Variants in ZNF469 observed in about 807,000 individuals in gnomAD.
ZNF469 encodes zinc finger protein 469.
A neutral mutation model predicts 1.0 loss-of-function variants in ZNF469; 1 was observed. That is an observed-to-expected ratio of 1.00 (90% CI 0.35 to 4.73). The LOEUF is 4.73. Among genes scored for constraint, ZNF469 ranks in the 30% most tolerant of loss-of-function variants. The pLI is 0.16. For synonymous variants in ZNF469, 2,703 were observed against 2,363.4 expected, an observed-to-expected ratio of 1.14 and a Z score of -4.17; for missense variants, 6,100 against 5,356.3, an observed-to-expected ratio of 1.14 and a Z score of -4.33.
rs1334784971 is a variant in ZNF469, at chr16:88,430,672, C to T, written c.3202C>T (p.Arg1068Trp). 2 of 1,494,246 alleles carry T rather than the reference C, an allele frequency of 1.3e-6. No homozygotes were observed. The highest frequency in any genetic ancestry group is 4.4e-5 in the Admixed American group (2 of 45,846). 92.6% of individuals were successfully genotyped at this position (1,494,246 alleles called of 1,614,324 possible). A position where few individuals can be genotyped will look rare whatever the true frequency, so the allele number is the denominator to read the frequency against. ...KNRRHRRLGR[R>W]AGRCGSLAAG... Reference sequence around the variant, plus strand: ...CAGGCGCCACCGGCGGCTGGGGCGGCGGGCGGGCAGGTGCGGCTCCCTGGC... The same window carrying T: ...CAGGCGCCACCGGCGGCTGGGGCGGTGGGCGGGCAGGTGCGGCTCCCTGGC... The change falls in exon 3 of 3, where the codon CGG becomes TGG. Residue 1068 changes from arginine (R) to tryptophan (W), a missense_variant. Physicochemically the swap from Arg to Trp is moderately radical, Grantham distance 101 (BLOSUM62 -3). Coordinates refer to ENST00000565624, the MANE Select transcript of ZNF469 (RefSeq NM_001367624.2).
At chr16:88,396,108 C>T (rs1177553996) in intron 1 of ZNF469, among the ~76,000 whole-genome samples, 2 of 152,230 alleles carry the variant, frequency 1.3e-5, no homozygotes, top group African/African-American at 4.8e-5. Flanking sequence ...GACGGTCAAG[C>T]TGCGTTTTTC....
At chr16:88,182,285 A>G in the ZNF469 span, among the ~76,000 whole-genome samples, 1 of 152,192 alleles carries the variant, frequency 6.6e-6, no homozygotes, top group Non-Finnish European at 1.5e-5. Context: ...CAGTATTGTT[A>G]AGATGTAAAT....
At chr16:88,243,862 GGA>G in the ZNF469 span, among the ~76,000 whole-genome samples, 1 of 144,212 alleles carries the variant, frequency 6.9e-6, no homozygotes, top group African/African-American at 2.5e-5. Context: ...ATGGATGGTT[GGA>G]TGCATGGGTG....
chr16:88,154,794 C>T, the ZNF469 span, among the ~76,000 whole-genome samples: 90 of 152,310 alleles, frequency 5.9e-4, 1 homozygote, highest in South Asian at 0.015. Context: ...GGACGGTGAA[C>T]GCAGGCAGGG....
Position 88,387,412 on chromosome 16 carries a change from G to A in ZNF469, c.-192+4158G>A, listed in dbSNP as rs568000990. Among the ~76,000 whole-genome samples the A allele has an allele frequency of 7.2e-5, 11 of 152,284 alleles. No homozygotes were observed. The South Asian group carries it at 2.3e-3, about 32-fold the overall frequency. Reference sequence around the variant, plus strand: ...CACCCCCGGGTGCCGGGGGACTCGGGCCGCGGTCAGCACAGCCTCCAGATG... The same window carrying A: ...CACCCCCGGGTGCCGGGGGACTCGGACCGCGGTCAGCACAGCCTCCAGATG... On this transcript the variant is annotated intron_variant, in intron 1 of 2. Transcript: ENST00000565624.
At chr16:88,117,607 G>GTGGAGGTGCCACGTGCCTTCGTGGACCA in the ZNF469 span, among the ~76,000 whole-genome samples, 1 of 148,816 alleles carries the variant, frequency 6.7e-6, no homozygotes, top group Admixed American at 6.6e-5. Context: ...TTCGGGGACC[G>GTGGAGGTGCCACGTGCCTTCGTGGACCA]TGGAGGTGCC....
the ZNF469 span, among the ~76,000 whole-genome samples, chr16:88,339,186 C>T: frequency 9.6e-6 from 1 of 104,068 alleles, no homozygotes; most frequent in African/African-American, 3.8e-5. Flanking sequence ...GACAGGGTGG[C>T]AGGGGGATGT....
At chr16:88,277,973 C>A in the ZNF469 span, among the ~76,000 whole-genome samples, 4 of 15,682 alleles carry the variant, frequency 2.6e-4, no homozygotes, top group African/African-American at 3.0e-4. Flanking sequence ...GCTGCGCCAC[C>A]CTGACACTCG....
intron 1 of ZNF469, among the ~76,000 whole-genome samples, chr16:88,387,208 C>T (rs992745795): frequency 5.3e-5 from 8 of 152,212 alleles, no homozygotes; most frequent in Non-Finnish European, 7.3e-5. Flanking sequence ...GCAACCCCAT[C>T]CTGCGTGCCT....
At position 88,429,758 on chromosome 16, in the gene ZNF469, G is replaced by A. The variant is rs1482968070; in HGVS notation, c.2288G>A (p.Gly763Asp). 5 of 1,544,460 alleles carry A rather than the reference G, an allele frequency of 3.2e-6. No individual in the cohort carries two copies. Among genetic ancestry groups the A allele is most frequent in the South Asian group, 1.2e-5 (1 of 83,980 alleles). The change falls in exon 3 of 3, where the codon GGC (glycine) becomes GAC (aspartate). Residue 763 changes from glycine (G) to aspartate (D), a missense_variant. Transcript: ENST00000565624. ...CGLLLARAKDGHQRSPGPPGL... is the reference protein window; with the variant it reads ...CGLLLARAKDDHQRSPGPPGL... The stretch of plus-strand genomic sequence containing the variant: ...CTGCTCCTGGCCAGGGCCAAGGATG[G>A]CCACCAGCGGTCTCCAGGCCCCCCT...
chr16:88,220,905 G>A, the ZNF469 span, among the ~76,000 whole-genome samples: 5 of 152,146 alleles, frequency 3.3e-5, no homozygotes, highest in Admixed American at 3.3e-4. Context: ...CTTGCTCTCC[G>A]GGTCTCAAAT....
the ZNF469 span, among the ~76,000 whole-genome samples, chr16:88,374,744 G>A: frequency 8.0e-3 from 1,222 of 152,184 alleles, 20 homozygotes; most frequent in African/African-American, 0.027. Flanking sequence ...GCTCGGCGCC[G>A]TGTGCTGTGG....
At chr16:88,381,097 C>G (rs111067839), upstream of ZNF469, among the ~76,000 whole-genome samples, 6,839 of 142,198 alleles carry the variant, frequency 0.048, 472 homozygotes, top group African/African-American at 0.13. Flanking sequence ...CACTCACACA[C>G]CCGGACATGC....
intron 1 of ZNF469, among the ~76,000 whole-genome samples, chr16:88,410,469 G>A (rs1238154329): frequency 2.0e-5 from 3 of 146,724 alleles, no homozygotes; most frequent in East Asian, 2.0e-4. Context: ...TATGATGCAC[G>A]GTTCACGGTG....
At chr16:88,140,808 C>G in the ZNF469 span, among the ~76,000 whole-genome samples, 13 of 152,132 alleles carry the variant, frequency 8.5e-5, no homozygotes, top group Non-Finnish European at 1.9e-4. Context: ...TGGCGGGCGC[C>G]TATAATCCCT....
At chr16:88,329,895 G>A in the ZNF469 span, among the ~76,000 whole-genome samples, 3 of 152,224 alleles carry the variant, frequency 2.0e-5, no homozygotes, top group Admixed American at 6.5e-5. Context: ...GGTGAGGGAC[G>A]GACAAGCACC....
chr16:88,250,333 T>C, the ZNF469 span, among the ~76,000 whole-genome samples: 1 of 152,252 alleles, frequency 6.6e-6, no homozygotes, highest in Non-Finnish European at 1.5e-5. Context: ...TAGGCTTCTT[T>C]TGTTCAATAT....
the ZNF469 span, among the ~76,000 whole-genome samples, chr16:88,339,274 G>A: frequency 5.0e-5 from 2 of 40,358 alleles, no homozygotes; most frequent in Non-Finnish European, 1.0e-4. Context: ...AGACTGGCAG[G>A]GGAATGGGGG....
At chr16:88,246,765 G>A in the ZNF469 span, among the ~76,000 whole-genome samples, 821 of 152,286 alleles carry the variant, frequency 5.4e-3, 10 homozygotes, top group African/African-American at 0.019. Flanking sequence ...GAATGAGTGA[G>A]TGAATCAGTG....
Sources: gnomAD v4.1 joint callset for allele counts (sites outside exome capture counted in the v4.1 genomes callset) on GRCh38, gnomAD v4.1.1 for gene constraint, MANE v1.5 for transcripts, NCBI Gene and HGNC (gene_info 2026-07-23, HGNC 2026-07-21) for gene names.